FNDC3B: variants seen among roughly 807,000 people sequenced by gnomAD.
The protein encoded by FNDC3B is fibronectin type III domain-containing protein 3B.
Under a neutral mutation model 151.5 loss-of-function variants are expected in FNDC3B, and 12 were observed. The ratio of observed to expected loss-of-function variants is 0.08; its 90% CI spans 0.05 to 0.13. The LOEUF (loss-of-function observed/expected upper bound fraction) is 0.13, where lower values mean the gene tolerates loss of function less well. Ranked by LOEUF, FNDC3B falls within the 10% of genes least tolerant of loss-of-function variation. The probability of loss-of-function intolerance (pLI) is 1.00; values close to 1 mark genes in which losing one functional copy is unlikely to be tolerated. For missense variants in FNDC3B, 1,214 were observed against 1,505.3 expected (o/e 0.81, Z 3.20); for synonymous variants, 528 against 549.0 (o/e 0.96, Z 0.54).
chr3:172,355,345 A>T (rs1734043388), intron 22 of FNDC3B, among the ~76,000 whole-genome samples: 1 of 152,046 alleles, frequency 6.6e-6, no homozygotes, highest in Admixed American at 6.5e-5. Context: ...AGTCCATTCT[A>T]TTTGTGGATA....
intron 3 of FNDC3B, 30 bp downstream of exon 3, chr3:172,133,576 C>T (rs749393147): frequency 2.1e-5 from 32 of 1,499,368 alleles, no homozygotes; most frequent in Middle Eastern, 1.7e-4. Context: ...ATATTCTAAT[C>T]AAAGATTTTT....
chr3:172,201,906 A>G (rs1576793231), intron 3 of FNDC3B, among the ~76,000 whole-genome samples: 1 of 152,326 alleles, frequency 6.6e-6, no homozygotes, highest in East Asian at 1.9e-4. Context: ...TGTTTTTGAA[A>G]TTCAACTTTA....
In FNDC3B at chr3:172,352,934, T is replaced by G. The variant is rs1027186400; in HGVS notation, c.2646T>G (p.Pro882=). The change falls in exon 22 of 26, where the codon CCT becomes CCG. Residue 882 remains proline (P), a synonymous_variant. Coordinates refer to ENST00000415807, the MANE Select transcript of FNDC3B (RefSeq NM_022763.4). The surrounding 1 kb of genome is among the most constrained non-coding windows in gnomAD (Gnocchi z 4.2). ...CCCTTGATGCCTACCCTGATTCACC[T>G]TCTGCGTGCCTTGTACTGAACTGGG... ...EEPLDAYPDS[P]SACLVLNWEE... 1 of 1,614,198 alleles carries G rather than the reference T, an allele frequency of 6.2e-7. No individual in the cohort carries two copies. Among genetic ancestry groups the G allele is most frequent in the Middle Eastern group, 1.6e-4 (1 of 6,062 alleles).
chr3:172,127,144 T>C (rs1322889605), intron 2 of FNDC3B: 4 of 453,522 alleles, frequency 8.8e-6, no homozygotes, highest in Non-Finnish European at 1.8e-5. Context: ...GTAATTTTAC[T>C]TAACTGAGAG....
intron 1 of FNDC3B, among the ~76,000 whole-genome samples, chr3:172,111,615 T>A (rs943198314): frequency 2.0e-5 from 3 of 152,138 alleles, no homozygotes. Context: ...AGGGAGGACT[T>A]TTTTTGGGTG....
intron 9 of FNDC3B, chr3:172,301,901 G>A (rs1730928770): frequency 6.6e-6 from 1 of 152,108 alleles, no homozygotes; most frequent in African/African-American, 2.4e-5. Flanking sequence ...TGCCATTTTT[G>A]TTTGTGCATT....
At chr3:172,340,762 C>G (rs972257306) in intron 16 of FNDC3B, among the ~76,000 whole-genome samples, 1 of 152,194 alleles carries the variant, frequency 6.6e-6, no homozygotes, top group Admixed American at 6.5e-5. Flanking sequence ...GCCCCTGAGG[C>G]CTCCTCACAC....
intron 3 of FNDC3B, among the ~76,000 whole-genome samples, chr3:172,176,807 C>T (rs552412566): frequency 5.3e-5 from 8 of 152,284 alleles, no homozygotes; most frequent in African/African-American, 1.4e-4. Context: ...AGACTTTACT[C>T]AGGGCCCTTG....
chr3:172,052,183 C>T (rs1333506031), intron 1 of FNDC3B, among the ~76,000 whole-genome samples: 2 of 150,550 alleles, frequency 1.3e-5, no homozygotes, highest in Non-Finnish European at 3.0e-5. Context: ...CTCCTGGGCT[C>T]AAGTGATCCT....
intron 22 of FNDC3B, among the ~76,000 whole-genome samples, chr3:172,354,029 T>G (rs535957201): frequency 6.6e-6 from 1 of 152,220 alleles, no homozygotes; most frequent in South Asian, 2.1e-4. Flanking sequence ...CATTACATAC[T>G]TGAGGTAAAA....
At chr3:172,304,878 CAG>C (rs890912256) in intron 9 of FNDC3B, among the ~76,000 whole-genome samples, 2 of 140,918 alleles carry the variant, frequency 1.4e-5, no homozygotes, top group Non-Finnish European at 3.0e-5. Flanking sequence ...GCCTAGGCGA[CAG>C]AGCGAGACTT....
chr3:172,159,212 G>A (rs1379067025), intron 3 of FNDC3B, among the ~76,000 whole-genome samples: 2 of 152,222 alleles, frequency 1.3e-5, no homozygotes, highest in African/African-American at 4.8e-5. Context: ...CTGGGAGGCG[G>A]AGGTTGCAGT....
At chr3:172,326,644 GGTCACACA>G (rs1207678113) in intron 11 of FNDC3B, among the ~76,000 whole-genome samples, 1 of 152,132 alleles carries the variant, frequency 6.6e-6, no homozygotes, top group Non-Finnish European at 1.5e-5. Context: ...ATGTCTTGAA[GGTCACACA>G]GTTCCCCTTC....
chr3:172,306,423 G>A (rs1731204543), intron 9 of FNDC3B, among the ~76,000 whole-genome samples: 2 of 152,210 alleles, frequency 1.3e-5, no homozygotes, highest in South Asian at 4.1e-4. Flanking sequence ...ACCTCAGAGA[G>A]GGTGGCTATA....
intron 6 of FNDC3B, among the ~76,000 whole-genome samples, chr3:172,254,921 T>C (rs765249690): frequency 2.6e-5 from 4 of 152,212 alleles, no homozygotes; most frequent in African/African-American, 4.8e-5. Context: ...CTTTGTAAAA[T>C]GGGCATTTTA....
At chr3:172,235,095 C>T (rs1161910537) in intron 4 of FNDC3B, among the ~76,000 whole-genome samples, 1 of 151,952 alleles carries the variant, frequency 6.6e-6, no homozygotes, top group Non-Finnish European at 1.5e-5. Context: ...TTTTTCAAAA[C>T]TGGTCAAATT....
At chr3:172,189,788 G>A (rs551704043) in intron 3 of FNDC3B, among the ~76,000 whole-genome samples, 92 of 125,848 alleles carry the variant, frequency 7.3e-4, no homozygotes, top group African/African-American at 2.7e-3. Flanking sequence ...GTGACAGAGT[G>A]AGACCTTGTC....
chr3:172,213,824 G>C (rs148507344), intron 3 of FNDC3B, among the ~76,000 whole-genome samples: 1 of 152,302 alleles, frequency 6.6e-6, no homozygotes, highest in East Asian at 1.9e-4. Flanking sequence ...AAACAGCAGT[G>C]AATCAGTTAG....
At chr3:172,390,380 A>G (rs1346755218) in intron 25 of FNDC3B, among the ~76,000 whole-genome samples, 2 of 152,214 alleles carry the variant, frequency 1.3e-5, no homozygotes, top group African/African-American at 2.4e-5. Flanking sequence ...GCCTAATGGT[A>G]CAAGAAAAAT....
Sources: allele counts gnomAD v4.1 joint callset (sites outside exome capture counted in the v4.1 genomes callset), GRCh38; gene constraint gnomAD v4.1.1; non-coding constraint Gnocchi (gnomAD v3.1); transcripts MANE v1.5; gene names NCBI Gene and HGNC (gene_info 2026-07-23, HGNC 2026-07-21).